The following TMC5 variants were observed in gnomAD, a reference collection of about 807,000 sequenced individuals.
TMC5 encodes transmembrane channel like 5, also known as transmembrane channel-like protein 5.
A neutral mutation model predicts 110.5 loss-of-function variants in TMC5; 86 were observed. That is an observed-to-expected ratio of 0.78 (90% CI 0.65 to 0.93). The LOEUF (loss-of-function observed/expected upper bound fraction) is 0.93, where lower values mean the gene tolerates loss of function less well. TMC5 is among the 40% of genes least tolerant of loss of function. TMC5 has a pLI of 0.00. For synonymous variants in TMC5, 455 were observed against 439.5 expected (o/e 1.04, Z -0.44); for missense variants, 1,144 against 1,222.8 (o/e 0.94, Z 0.96).
Position 19,444,248 on chromosome 16 carries a change from A to G in TMC5, c.956A>G (p.Tyr319Cys). Residue 319 changes from tyrosine (Y) to cysteine (C), a missense_variant and splice_region_variant, in exon 4 of 22, where the codon TAT becomes TGT. Physicochemically the swap from Tyr to Cys is radical, Grantham distance 194 (BLOSUM62 -2). Coordinates refer to ENST00000542583, the MANE Select transcript of TMC5 (RefSeq NM_001261841.2). ...CTGCCAGGTGCTCCTGGAAGTGGCT[A>G]TGGTAAGCATTTGTTAAGCCAGGAT... ...HSLPGAPGSG[Y>C]VNPAYVGESG... 1.2e-6 allele frequency: 2 copies of G among 1,613,524 alleles called. No individual in the cohort carries two copies. The highest frequency in any genetic ancestry group is 1.1e-5 in the South Asian group (1 of 91,022).
intron 13 of TMC5, among the ~76,000 whole-genome samples, chr16:19,478,904 T>C (rs1968550562): frequency 6.6e-6 from 1 of 152,216 alleles, no homozygotes. Flanking sequence ...TATCAGCTGA[T>C]AGCACTGACT....
rs1473701530 is a variant in TMC5, at chr16:19,474,056, CTT to C, written c.1939-66_1939-65del. 4 of 1,480,640 alleles carry C rather than the reference CTT, an allele frequency of 2.7e-6. No homozygotes were observed. The Admixed American group carries it at 8.3e-5, about 31-fold the overall frequency. The allele number at this position is 1,480,640 out of a possible 1,614,324, so 91.7% of individuals were successfully genotyped here. On this transcript the variant is annotated intron_variant, in intron 11 of 21. Coordinates refer to ENST00000542583, the MANE Select transcript of TMC5 (RefSeq NM_001261841.2). ...TTCTCGGGTTTTCTATCATGGGAGA[CTT>C]TTGAGTGAAGCAGAAAGGGGTACAG...
chr16:19,464,851 T>C lies in TMC5; in HGVS notation c.1485+827T>C, dbSNP rs1258861412. Among the ~76,000 whole-genome samples, 3 of 152,146 alleles carry C rather than the reference T, an allele frequency of 2.0e-5. No individual in the cohort carries two copies. The East Asian group carries it at 5.8e-4, about 29-fold the overall frequency. On this transcript the variant is annotated intron_variant, in intron 8 of 21. Transcript: ENST00000542583. The stretch of plus-strand genomic sequence containing the variant: ...GATATATCTTTGTAGACTGTTTTTT[T>C]CTTCCTGTACAAACGTTGATAGATA...
In TMC5 at chr16:19,469,793, C is replaced by A. The variant is rs1362223865; in HGVS notation, c.1750C>A (p.Leu584Ile). The A allele has an allele frequency of 8.1e-6, 13 of 1,614,022 alleles. No homozygotes were observed. In the African/African-American group the frequency reaches 1.7e-4, roughly 22 times the overall value. ...FTVTHEKAVKLKQKNLSTEIR... is the reference protein window; with the variant it reads ...FTVTHEKAVKIKQKNLSTEIR... The stretch of plus-strand genomic sequence containing the variant: ...TGTCACTCATGAAAAAGCTGTGAAG[C>A]TAAAACAGAAGAATCTTAGCACTGA... The change falls in exon 10 of 22, where the codon CTA (leucine) becomes ATA (isoleucine). Residue 584 changes from leucine to isoleucine, a missense_variant. Coordinates refer to ENST00000542583, the MANE Select transcript of TMC5 (RefSeq NM_001261841.2).
Position 19,494,376 on chromosome 16 carries a change from G to T in TMC5, c.2931+10G>T. The T allele has an allele frequency of 6.2e-7, 1 of 1,609,828 alleles. No homozygotes were observed. The highest frequency in any genetic ancestry group is 8.5e-7 in the Non-Finnish European group (1 of 1,177,602). ...AAGGAGAGAGGTGGAGGTGAGTCTGGAGGCTGCCTTGGGGACCCCTGGGAC... is the reference window on the plus strand; with the variant it reads ...AAGGAGAGAGGTGGAGGTGAGTCTGTAGGCTGCCTTGGGGACCCCTGGGAC... On this transcript the variant is annotated intron_variant, in intron 20 of 21. Coordinates refer to ENST00000542583, the MANE Select transcript of TMC5 (RefSeq NM_001261841.2).
intron 5 of TMC5, among the ~76,000 whole-genome samples, chr16:19,454,720 T>A (rs1471482865): frequency 2.0e-5 from 3 of 152,200 alleles, no homozygotes; most frequent in Non-Finnish European, 4.4e-5. Flanking sequence ...TTTCTACAAC[T>A]ATTAAATAAA....
chr16:19,412,946 C>CG (rs746633104), upstream of TMC5, among the ~76,000 whole-genome samples: 29 of 152,246 alleles, frequency 1.9e-4, no homozygotes, highest in Non-Finnish European at 3.5e-4. Flanking sequence ...ACGGCTCAAG[C>CG]GATCCTCCCA....
At chr16:19,414,246 C>T (rs182656906), upstream of TMC5, among the ~76,000 whole-genome samples, 38 of 152,258 alleles carry the variant, frequency 2.5e-4, no homozygotes, top group Admixed American at 7.8e-4. Flanking sequence ...AAGGTTCTCC[C>T]TCTTTCTCAC....
chr16:19,462,398 G>A (rs1200819701), intron 6 of TMC5: 2 of 605,316 alleles, frequency 3.3e-6, no homozygotes. Flanking sequence ...ATCCCCCTAG[G>A]TTGAGAATGT....
intron 20 of TMC5, among the ~76,000 whole-genome samples, chr16:19,495,382 CTTTAA>C (rs1969027627): frequency 6.6e-6 from 1 of 152,102 alleles, no homozygotes; most frequent in African/African-American, 2.4e-5. Flanking sequence ...TCTACCAACA[CTTTAA>C]TTTACTTGTT....
At chr16:19,424,749 A>C (rs1468545034) in intron 1 of TMC5, among the ~76,000 whole-genome samples, 1 of 152,228 alleles carries the variant, frequency 6.6e-6, no homozygotes, top group Non-Finnish European at 1.5e-5. Flanking sequence ...CTTCTGTCCC[A>C]GTGAGTTGGG....
rs1292862930 is a variant in TMC5 at position 19,479,945 on chromosome 16, AAAGAAG to A, written c.2267+429_2267+434del. Among the ~76,000 whole-genome samples the A allele has an allele frequency of 3.3e-5, 5 of 151,158 alleles. No homozygotes were observed. In the East Asian group the frequency reaches 7.9e-4, roughly 24 times the overall value. The stretch of plus-strand genomic sequence containing the variant: ...TCTGTCTCTATCCAAAAAAAAAAAA[AAAGAAG>A]AAGAAGAAGAAAAAGGCAAAGAAAG... On this transcript the variant is annotated intron_variant, in intron 14 of 21. Coordinates refer to ENST00000542583, the MANE Select transcript of TMC5 (RefSeq NM_001261841.2).
At chr16:19,475,539 C>G (rs934522193) in intron 12 of TMC5, among the ~76,000 whole-genome samples, 2 of 152,174 alleles carry the variant, frequency 1.3e-5, no homozygotes, top group Non-Finnish European at 2.9e-5. Context: ...GCGCTCCAGC[C>G]TCATTTTCTC....
At chr16:19,431,354 A>G (rs1002082476) in intron 2 of TMC5, among the ~76,000 whole-genome samples, 6 of 152,078 alleles carry the variant, frequency 3.9e-5, no homozygotes, top group Admixed American at 3.3e-4. Flanking sequence ...CAGCCTGGCC[A>G]ACATACTGAA....
intron 1 of TMC5, among the ~76,000 whole-genome samples, chr16:19,427,434 A>G (rs1270549115): frequency 6.6e-6 from 1 of 152,200 alleles, no homozygotes; most frequent in Non-Finnish European, 1.5e-5. Flanking sequence ...CCTGAGTGAC[A>G]AAACGAGACC....
At chr16:19,434,470 A>ATCTATATC in intron 2 of TMC5, among the ~76,000 whole-genome samples, 1 of 59,010 alleles carries the variant, frequency 1.7e-5, no homozygotes, top group Non-Finnish European at 2.9e-5. Context: ...ATCTATAGAT[A>ATCTATATC]GATAGATAGA....
chr16:19,470,431 C>G (rs1455067438), intron 10 of TMC5, among the ~76,000 whole-genome samples: 1 of 152,144 alleles, frequency 6.6e-6, no homozygotes, highest in Non-Finnish European at 1.5e-5. Context: ...AAGTGATCCA[C>G]CCGCCTTGGC....
In TMC5 at chr16:19,472,188, G is replaced by T; in HGVS notation, c.1883G>T (p.Gly628Val). The T allele has an allele frequency of 6.2e-7, 1 of 1,614,212 alleles. No homozygotes were observed. The highest frequency in any genetic ancestry group is 8.5e-7 in the Non-Finnish European group (1 of 1,180,042). ...ATGGTAGCCTGGGTTGTCTCTACAG[G>T]AGTGGCCATAGCCTGCTGTGCAGCC... ...AYMVAWVVSTGVAIACCAAVY... is the reference protein window; with the variant it reads ...AYMVAWVVSTVVAIACCAAVY... Residue 628 changes from glycine (G) to valine (V), a missense_variant, in exon 11 of 22, where the codon GGA becomes GTA. Physicochemically the swap from Gly to Val is moderately radical, Grantham distance 109. Coordinates refer to ENST00000542583, the MANE Select transcript of TMC5 (RefSeq NM_001261841.2).
At position 19,479,526 on chromosome 16, in the gene TMC5, G is replaced by A; in HGVS notation, c.2265G>A (p.Arg755=). ...LVNSFLGEFL[R]RIIGMQLITS... is the part of the protein sequence containing the mutation. ...ATTCCTTCCTGGGGGAGTTTCTGAG[G>A]AGGTAAATATTTGCCATTCTTAAGT... is the stretch of plus-strand genomic sequence containing the variant. Residue 755 remains arginine, a splice_region_variant and synonymous_variant, in exon 14 of 22, where the codon AGG becomes AGA. Coordinates refer to ENST00000542583, the MANE Select transcript of TMC5 (RefSeq NM_001261841.2). The A allele has an allele frequency of 6.2e-7, 1 of 1,609,674 alleles. No homozygotes were observed. The highest frequency in any genetic ancestry group is 8.5e-7 in the Non-Finnish European group (1 of 1,176,058).
Sources: allele counts gnomAD v4.1 joint callset (sites outside exome capture counted in the v4.1 genomes callset), GRCh38; gene constraint gnomAD v4.1.1; transcripts MANE v1.5; gene names NCBI Gene and HGNC (gene_info 2026-07-23, HGNC 2026-07-21).